SYNPR: variants seen among roughly 807,000 people sequenced by gnomAD.
The protein encoded by SYNPR is synaptoporin.
A neutral mutation model predicts 32.9 loss-of-function variants in SYNPR; 23 were observed. The observed-to-expected ratio is 0.70, with a 90% CI of 0.50 to 0.99. The LOEUF (loss-of-function observed/expected upper bound fraction) is 0.99. Among genes scored for constraint, SYNPR ranks in the 50% least tolerant of loss-of-function variants. The pLI is 0.00. For missense variants in SYNPR, 318 were observed against 349.3 expected (o/e 0.91, Z 0.71); for synonymous variants, 146 against 135.9 (o/e 1.07, Z -0.52).
intron 3 of SYNPR, among the ~76,000 whole-genome samples, chr3:63,515,606 C>G (rs548778277): frequency 1.7e-4 from 26 of 152,144 alleles, no homozygotes; most frequent in Admixed American, 3.3e-4. Context: ...GGGGTATATT[C>G]ATGTGTTTTG....
rs1464559647 is a variant in SYNPR at position 63,278,504 on chromosome 3, G to A, written c.-30G>A. 6.5e-7 allele frequency: 1 copy of A among 1,545,954 alleles called. No homozygotes were observed. The highest frequency in any genetic ancestry group is 1.2e-5 in the South Asian group (1 of 83,358). ...CGAACTTCATTTTTAAAAAGAACTG[G>A]TGGATGAGAAGAGCGAGCGAGGGCG... is the stretch of plus-strand genomic sequence containing the variant. On this transcript the variant is annotated 5_prime_UTR_variant, in exon 1 of 6. In the 5' UTR this introduces an upstream ATG that the reference lacks. Transcript: ENST00000478300.
chr3:63,498,643 G>A (rs147833815), intron 3 of SYNPR, among the ~76,000 whole-genome samples: 18 of 152,190 alleles, frequency 1.2e-4, no homozygotes, highest in South Asian at 2.1e-4. Flanking sequence ...GAGCAAAGGC[G>A]GGAAGAGGCC....
chr3:63,487,817 G>C (rs1351078363), intron 3 of SYNPR, among the ~76,000 whole-genome samples: 1 of 152,182 alleles, frequency 6.6e-6, no homozygotes, highest in Non-Finnish European at 1.5e-5. Context: ...GTTGGCATCG[G>C]TGGAGTAGGA....
intron 1 of SYNPR, among the ~76,000 whole-genome samples, chr3:63,229,826 ATTACTT>A (rs59728517): frequency 0.23 from 35,437 of 151,836 alleles, 4,781 homozygotes; most frequent in African/African-American, 0.36. Flanking sequence ...GGTTTTGGCC[ATTACTT>A]TTAATGGTGA....
At chr3:63,608,163 G>GCCACC (rs1192880598) in intron 4 of SYNPR, among the ~76,000 whole-genome samples, 2 of 151,926 alleles carry the variant, frequency 1.3e-5, no homozygotes, top group Non-Finnish European at 2.9e-5. Flanking sequence ...TCTCCTGCCT[G>GCCACC]CCACCCCACC....
intron 2 of SYNPR, among the ~76,000 whole-genome samples, chr3:63,410,679 C>T (rs1320119726): frequency 2.0e-5 from 3 of 152,158 alleles, no homozygotes; most frequent in Non-Finnish European, 4.4e-5. Context: ...AACTCACTTC[C>T]AGCCTCCTCT....
intron 2 of SYNPR, among the ~76,000 whole-genome samples, chr3:63,296,408 G>C (rs2086791973): frequency 6.6e-6 from 1 of 152,272 alleles, no homozygotes; most frequent in East Asian, 1.9e-4. Flanking sequence ...CTTCCCCAGG[G>C]ACTGTGTTTG....
At chr3:63,273,136 G>T (rs1044682227) in intron 3 of SYNPR, among the ~76,000 whole-genome samples, 4 of 152,144 alleles carry the variant, frequency 2.6e-5, no homozygotes, top group Non-Finnish European at 5.9e-5. Context: ...AGAAAATGGT[G>T]CCCATCTTTA....
chr3:63,420,416 A>C (rs967062982), intron 2 of SYNPR, among the ~76,000 whole-genome samples: 1 of 152,216 alleles, frequency 6.6e-6, no homozygotes, highest in Non-Finnish European at 1.5e-5. Context: ...AGATAAATGC[A>C]TATATGGAAA....
At chr3:63,223,958 G>A (rs528893606), upstream of SYNPR, among the ~76,000 whole-genome samples, 2 of 152,180 alleles carry the variant, frequency 1.3e-5, no homozygotes, top group South Asian at 4.1e-4. Flanking sequence ...TCTTCTTGTT[G>A]CATAAATAAA....
chr3:63,483,192 C>A (rs145252867), intron 3 of SYNPR, among the ~76,000 whole-genome samples: 3 of 152,134 alleles, frequency 2.0e-5, no homozygotes, highest in Non-Finnish European at 4.4e-5. Flanking sequence ...ATGATGTGCA[C>A]TGCAGTGTTG....
At chr3:63,424,542 T>A in intron 2 of SYNPR, among the ~76,000 whole-genome samples, 1 of 152,238 alleles carries the variant, frequency 6.6e-6, no homozygotes, top group East Asian at 1.9e-4. Flanking sequence ...TTACTTATTA[T>A]TTCCATTTTA....
chr3:63,522,248 C>T (rs764304720), intron 3 of SYNPR, among the ~76,000 whole-genome samples: 1 of 152,196 alleles, frequency 6.6e-6, no homozygotes, highest in East Asian at 1.9e-4. Context: ...CATCCTCTAT[C>T]GTTCCAGTTT....
At chr3:63,238,087 T>C (rs767654485) in intron 1 of SYNPR, among the ~76,000 whole-genome samples, 18 of 152,098 alleles carry the variant, frequency 1.2e-4, no homozygotes, top group Admixed American at 1.2e-3. Context: ...ATATGATGTG[T>C]GGGTCAGCTT....
chr3:63,271,779 T>A (rs2086537111), intron 3 of SYNPR, among the ~76,000 whole-genome samples: 1 of 152,058 alleles, frequency 6.6e-6, no homozygotes, highest in South Asian at 2.1e-4. Flanking sequence ...TAGGATTATA[T>A]GTATTTCATT....
chr3:63,270,192 G>A (rs2086522703), intron 3 of SYNPR, among the ~76,000 whole-genome samples: 1 of 152,064 alleles, frequency 6.6e-6, no homozygotes, highest in South Asian at 2.1e-4. Flanking sequence ...AAACATAATA[G>A]CATGAACAAA....
chr3:63,584,548 G>A (rs1322985553), intron 4 of SYNPR, among the ~76,000 whole-genome samples: 5 of 152,092 alleles, frequency 3.3e-5, no homozygotes, highest in Middle Eastern at 3.4e-3. Context: ...AGGAAAGGGG[G>A]AAGATGCTAT....
the SYNPR span, among the ~76,000 whole-genome samples, chr3:63,220,525 TAA>T: frequency 6.6e-6 from 1 of 152,118 alleles, no homozygotes; most frequent in South Asian, 2.1e-4. Flanking sequence ...TAGGGGTGTG[TAA>T]AAGAGACTGA....
intron 1 of SYNPR, among the ~76,000 whole-genome samples, chr3:63,235,462 T>C (rs1040124043): frequency 6.6e-6 from 1 of 152,204 alleles, no homozygotes; most frequent in Non-Finnish European, 1.5e-5. Context: ...GGTTTCAAAT[T>C]CCACTGGGCT....
Sources: allele counts gnomAD v4.1 joint callset (sites outside exome capture counted in the v4.1 genomes callset), GRCh38; gene constraint gnomAD v4.1.1; transcripts MANE v1.5; gene names NCBI Gene and HGNC (gene_info 2026-07-23, HGNC 2026-07-21).